Variants in ARRB2 observed in about 807,000 individuals in gnomAD.
The protein encoded by ARRB2 is beta-arrestin-2.
In ARRB2, 21 loss-of-function variants were observed where a neutral mutation model predicts 53.4. The observed-to-expected ratio is 0.39, with a 90% CI of 0.28 to 0.57. ARRB2 has a LOEUF of 0.57. Ranked by LOEUF, ARRB2 falls within the 20% of genes least tolerant of loss-of-function variation. The pLI, the probability that ARRB2 is intolerant of heterozygous loss-of-function variation, is 0.55. For synonymous variants in ARRB2, 180 were observed against 212.9 expected, an observed-to-expected ratio of 0.85 and a Z score of 1.34; for missense variants, 369 against 527.5, an observed-to-expected ratio of 0.70 and a Z score of 2.94.
chr17:4,717,718 T>A lies in ARRB2; in HGVS notation c.451T>A (p.Cys151Ser). Residue 151 changes from cysteine (C) to serine (S), a missense_variant, in exon 7 of 15, where the codon TGT becomes AGT. By Grantham distance (112) the Cys-to-Ser change is moderately radical. Transcript: ENST00000269260. The surrounding 1 kb of genome is among the most constrained non-coding windows in gnomAD (Gnocchi z 6.0). The stretch of plus-strand genomic sequence containing the variant: ...CGTAGACTTTGAGATTCGAGCCTTC[T>A]GTGCTAAATCACTAGAAGAGAAAAG... Reference protein sequence around the residue: ...CGVDFEIRAFCAKSLEEKSHK... With the variant: ...CGVDFEIRAFSAKSLEEKSHK... 1 of 1,614,216 alleles carries A rather than the reference T, an allele frequency of 6.2e-7. No homozygotes were observed. The highest frequency in any genetic ancestry group is 8.5e-7 in the Non-Finnish European group (1 of 1,180,046).
intron 3 of ARRB2, 25 bp downstream of exon 3, chr17:4,716,058 C>CTCGT: frequency 6.2e-7 from 1 of 1,614,204 alleles, no homozygotes; most frequent in South Asian, 1.1e-5. Context: ...AAAGGGACAG[C>CTCGT]TCGTTCCCCA....
Position 4,710,681 on chromosome 17 carries a change from C to A in ARRB2, c.-41C>A. 2.5e-6 allele frequency: 1 copy of A among 398,058 alleles called. No individual in the cohort carries two copies. Among genetic ancestry groups the A allele is most frequent in the Non-Finnish European group, 4.4e-6 (1 of 225,872 alleles). The allele number at this position is 398,058 out of a possible 1,614,324, so 24.7% of individuals were successfully genotyped here. A position where few individuals can be genotyped will look rare whatever the true frequency, so the allele number is the denominator to read the frequency against. ...ATCTTGGCAGCGGGCGAGGAGGCTGCGAGCGAGCCGCGAACCGAGCGGGCG... is the reference window on the plus strand; with the variant it reads ...ATCTTGGCAGCGGGCGAGGAGGCTGAGAGCGAGCCGCGAACCGAGCGGGCG... On this transcript the variant is annotated 5_prime_UTR_variant, in exon 1 of 15. Coordinates refer to ENST00000269260, the MANE Select transcript of ARRB2 (RefSeq NM_004313.4).
chr17:4,715,121 AC>A, intron 2 of ARRB2, 78 bp downstream of exon 2: 1 of 1,510,704 alleles, frequency 6.6e-7, no homozygotes, highest in Non-Finnish European at 9.0e-7. Flanking sequence ...ACGATCCCCA[AC>A]CTACCCAAAG....
At chr17:4,720,092 G>T (rs35012075) in intron 11 of ARRB2, 124 bp from the exon 12 acceptor site, 1 of 957,362 alleles carries the variant, frequency 1.0e-6, no homozygotes, top group Admixed American at 2.1e-5. Context: ...CACGGCCTGG[G>T]CTGCTGGGGC....
rs562223160 is a variant in ARRB2 at position 4,714,602 on chromosome 17, C to T, written c.24-411C>T. The stretch of plus-strand genomic sequence containing the variant: ...CACGTTAGAAATAGGAAGGACCTTC[C>T]GGGAAGAAGGGTTCCCCTTGCCACC... On this transcript the variant is annotated intron_variant, in intron 1 of 14. Transcript: ENST00000269260. The T allele has an allele frequency of 7.4e-3, 1,597 of 217,102 alleles. 10 individuals are homozygous for T. Among genetic ancestry groups the T allele is most frequent in the Non-Finnish European group, 0.011 (1,197 of 112,082 alleles). 13.4% of individuals were successfully genotyped at this position (217,102 alleles called of 1,614,324 possible).
Position 4,717,337 on chromosome 17 carries a change from GGCACAGCTGAGCCAGAGGGT to G in ARRB2, c.417+63_417+82del. On this transcript the variant is annotated intron_variant, in intron 6 of 14. Coordinates refer to ENST00000269260, the MANE Select transcript of ARRB2 (RefSeq NM_004313.4). This position sits in a 1 kb window ranked among gnomAD's most constrained non-coding sequence, Gnocchi z 6.0. ...GGACATGGGCCAGCAGGAGCCTGGA[GGCACAGCTGAGCCAGAGGGT>G]GAACTGTCGAGATGCCAGGGTGGGG... 1 of 1,585,698 alleles carries G rather than the reference GGCACAGCTGAGCCAGAGGGT, an allele frequency of 6.3e-7. No homozygotes were observed. Among genetic ancestry groups the G allele is most frequent in the Non-Finnish European group, 8.7e-7 (1 of 1,154,360 alleles).
chr17:4,717,535 C>A lies in ARRB2; in HGVS notation c.418-150C>A. 1 of 1,112,900 alleles carries A rather than the reference C, an allele frequency of 9.0e-7. No homozygotes were observed. The highest frequency in any genetic ancestry group is 1.4e-5 in the South Asian group (1 of 72,294). 68.9% of individuals were successfully genotyped at this position (1,112,900 alleles called of 1,614,324 possible). ...GACCAAGCCTCTGCCAGGTTCTGGG[C>A]TTTGGAGAGGAAGAAGACTTAGTCC... On this transcript the variant is annotated intron_variant, in intron 6 of 14. Transcript: ENST00000269260. The surrounding 1 kb of genome is among the most constrained non-coding windows in gnomAD (Gnocchi z 6.0).
rs963451269 is a variant in ARRB2 at position 4,718,473 on chromosome 17, T to A, written c.706+128T>A. On this transcript the variant is annotated intron_variant, in intron 9 of 14. Transcript: ENST00000269260. Reference sequence around the variant, plus strand: ...ACCAGGGCTCAAAGAATTTAGGTTGTTCCATAATGATACGGGGAGCCTCGG... The same window carrying A: ...ACCAGGGCTCAAAGAATTTAGGTTGATCCATAATGATACGGGGAGCCTCGG... The A allele has an allele frequency of 3.1e-6, 4 of 1,276,642 alleles. No homozygotes were observed. The African/African-American group carries it at 5.9e-5, about 19-fold the overall frequency. The allele number at this position is 1,276,642 out of a possible 1,614,324, so 79.1% of individuals were successfully genotyped here. A position where few individuals can be genotyped will look rare whatever the true frequency, so the allele number is the denominator to read the frequency against.
At chr17:4,720,685 C>T in intron 14 of ARRB2, 45 bp downstream of exon 14, 1 of 1,465,016 alleles carries the variant, frequency 6.8e-7, no homozygotes, top group Non-Finnish European at 9.2e-7. Context: ...GACAAAGATT[C>T]CTATAACATT....
intron 1 of ARRB2, 23 bp from the exon 2 acceptor site, chr17:4,714,990 G>A: frequency 6.3e-7 from 1 of 1,591,596 alleles, no homozygotes; most frequent in Non-Finnish European, 8.6e-7. Context: ...GAGGCAGTGG[G>A]GTTTCCCTTT....
At chr17:4,718,529 G>T (rs981090415) in intron 9 of ARRB2, 83 bp from the exon 10 acceptor site, 34 of 1,427,006 alleles carry the variant, frequency 2.4e-5, no homozygotes, top group Non-Finnish European at 3.1e-5. Flanking sequence ...AGCATGGGGG[G>T]GCCACGCCAC....
intron 10 of ARRB2, among the ~76,000 whole-genome samples, 170 bp downstream of exon 10, chr17:4,718,854 T>C (rs1162014578): frequency 6.6e-6 from 1 of 150,662 alleles, no homozygotes; most frequent in African/African-American, 2.4e-5. Flanking sequence ...CAACCTCTGC[T>C]CACTGCAACC....
intron 8 of ARRB2, 78 bp downstream of exon 8, chr17:4,718,101 G>T: frequency 6.3e-7 from 1 of 1,594,560 alleles, no homozygotes; most frequent in Non-Finnish European, 8.5e-7. Context: ...ACATCAAGAG[G>T]ACATTTGTAA....
At chr17:4,718,970 C>T (rs1254705452) in intron 10 of ARRB2, among the ~76,000 whole-genome samples, 8 of 151,884 alleles carry the variant, frequency 5.3e-5, no homozygotes, top group African/African-American at 1.9e-4. Flanking sequence ...GACGAGGTTT[C>T]ACCATGTTGG....
chr17:4,719,118 G>A (rs1915412570), intron 10 of ARRB2, among the ~76,000 whole-genome samples, 165 bp from the exon 11 acceptor site: 1 of 152,194 alleles, frequency 6.6e-6, no homozygotes, highest in South Asian at 2.1e-4. Flanking sequence ...CCAGGCTCCA[G>A]GCTGTTAATT....
intron 10 of ARRB2, 116 bp from the exon 11 acceptor site, chr17:4,719,166 AC>A: frequency 7.8e-7 from 1 of 1,277,808 alleles, no homozygotes; most frequent in Non-Finnish European, 1.1e-6. Context: ...CTCCCTTGTG[AC>A]CTGTGCCCAA....
chr17:4,711,657 A>C (rs1213331952), intron 1 of ARRB2, among the ~76,000 whole-genome samples: 1 of 152,124 alleles, frequency 6.6e-6, no homozygotes, highest in Non-Finnish European at 1.5e-5. Flanking sequence ...CTGAGCATCA[A>C]GTAGACGAGC....
rs556515952 is a variant in ARRB2 at position 4,721,071 on chromosome 17, G to A, written c.*32G>A. Reference sequence around the variant, plus strand: ...GGGTGGGAAGAAGGGAGGGGATGGGGTTGGGAGAGGTGAGGGCAGGATTAA... The same window carrying A: ...GGGTGGGAAGAAGGGAGGGGATGGGATTGGGAGAGGTGAGGGCAGGATTAA... On this transcript the variant is annotated 3_prime_UTR_variant, in exon 15 of 15. Transcript: ENST00000269260. This position sits in a 1 kb window ranked among gnomAD's most constrained non-coding sequence, Gnocchi z 4.2. The A allele has an allele frequency of 1.9e-6, 3 of 1,586,554 alleles. No individual in the cohort carries two copies. The South Asian group carries it at 3.3e-5, about 18-fold the overall frequency.
At chr17:4,712,995 T>A (rs4790223) in intron 1 of ARRB2, among the ~76,000 whole-genome samples, 49,241 of 152,000 alleles carry the variant, frequency 0.32, 8,419 homozygotes, top group East Asian at 0.41. Context: ...TTTATTTATT[T>A]ATTTATTTTT....
Sources: gnomAD v4.1 joint callset for allele counts (sites outside exome capture counted in the v4.1 genomes callset) on GRCh38, gnomAD v4.1.1 for gene constraint, Gnocchi (gnomAD v3.1) non-coding constraint, MANE v1.5 for transcripts, NCBI Gene and HGNC (gene_info 2026-07-23, HGNC 2026-07-21) for gene names.